RPS6KC1: variants seen among roughly 807,000 people sequenced by gnomAD.
RPS6KC1 encodes ribosomal protein S6 kinase C1, also known as inactive ribosomal protein S6 kinase delta-1.
A neutral mutation model predicts 103.8 loss-of-function variants in RPS6KC1; 54 were observed. That is an observed-to-expected ratio of 0.52 (90% CI 0.42 to 0.65). The LOEUF is 0.65. Among genes scored for constraint, RPS6KC1 ranks in the 30% least tolerant of loss-of-function variants. The probability of loss-of-function intolerance (pLI) is 0.00; values close to 1 mark genes in which losing one functional copy is unlikely to be tolerated. For missense variants in RPS6KC1, 1,151 were observed against 1,253.8 expected (o/e 0.92, Z 1.24); for synonymous variants, 439 against 438.7 (o/e 1.00, Z -0.01).
At chr1:213,257,379 A>T (rs1304162668) in intron 12 of RPS6KC1, among the ~76,000 whole-genome samples, 1 of 152,186 alleles carries the variant, frequency 6.6e-6, no homozygotes, top group East Asian at 1.9e-4. Flanking sequence ...ATGAGCAGAG[A>T]CTTAGAATGG....
chr1:213,757,246 C>G, the RPS6KC1 span, among the ~76,000 whole-genome samples: 1 of 152,082 alleles, frequency 6.6e-6, no homozygotes, highest in African/African-American at 2.4e-5. Context: ...ATGTCAAAAC[C>G]CAAGATAGGC....
At chr1:213,292,051 G>C in the RPS6KC1 span, among the ~76,000 whole-genome samples, 2 of 151,848 alleles carry the variant, frequency 1.3e-5, no homozygotes, top group African/African-American at 4.8e-5. Flanking sequence ...ATTGAACAAT[G>C]AGAACACATA....
the RPS6KC1 span, among the ~76,000 whole-genome samples, chr1:213,326,433 T>C: frequency 4.6e-5 from 7 of 152,228 alleles, no homozygotes; most frequent in African/African-American, 7.2e-5. Flanking sequence ...ATGTATGCAG[T>C]TCTGGTGATT....
the RPS6KC1 span, among the ~76,000 whole-genome samples, chr1:213,792,106 C>G: frequency 6.6e-6 from 1 of 152,188 alleles, no homozygotes; most frequent in South Asian, 2.1e-4. Context: ...GCCCTCCCAC[C>G]CTTTCCTCCT....
the RPS6KC1 span, among the ~76,000 whole-genome samples, chr1:213,512,201 A>T: frequency 1.1e-4 from 16 of 152,362 alleles, 1 homozygote; most frequent in South Asian, 2.5e-3. Flanking sequence ...TCACTTAAAA[A>T]TGTCCCTGTT....
the RPS6KC1 span, among the ~76,000 whole-genome samples, chr1:213,829,558 T>A: frequency 1.3e-5 from 2 of 152,182 alleles, no homozygotes; most frequent in Non-Finnish European, 1.5e-5. Flanking sequence ...TTTTTAACTA[T>A]CAGATTCTAG....
At chr1:213,355,729 T>C in the RPS6KC1 span, among the ~76,000 whole-genome samples, 6 of 152,206 alleles carry the variant, frequency 3.9e-5, no homozygotes, top group Non-Finnish European at 7.3e-5. Context: ...TCTATGTAAC[T>C]CTTGTTTCAA....
At chr1:213,833,050 C>T in the RPS6KC1 span, among the ~76,000 whole-genome samples, 1 of 152,158 alleles carries the variant, frequency 6.6e-6, no homozygotes, top group Non-Finnish European at 1.5e-5. Flanking sequence ...TGTGGGGAAA[C>T]AGCTCTCCAG....
chr1:213,803,762 G>A, the RPS6KC1 span, among the ~76,000 whole-genome samples: 1 of 152,182 alleles, frequency 6.6e-6, no homozygotes, highest in African/African-American at 2.4e-5. Context: ...AAAAATGACA[G>A]TGGGAGCAAA....
chr1:213,335,399 G>A, the RPS6KC1 span, among the ~76,000 whole-genome samples: 7 of 152,186 alleles, frequency 4.6e-5, no homozygotes, highest in African/African-American at 1.4e-4. Context: ...TAGCTGGTCC[G>A]CTATCATCAG....
the RPS6KC1 span, among the ~76,000 whole-genome samples, chr1:213,773,480 G>A: frequency 8.7e-3 from 1,271 of 146,712 alleles, 19 homozygotes; most frequent in African/African-American, 0.029. Flanking sequence ...ATCATATATC[G>A]ATATATAGAT....
the RPS6KC1 span, among the ~76,000 whole-genome samples, chr1:213,639,550 T>C: frequency 6.6e-6 from 1 of 152,002 alleles, no homozygotes; most frequent in Non-Finnish European, 1.5e-5. Flanking sequence ...TGGTAGATGT[T>C]CCTCATCATG....
chr1:213,784,616 G>A, the RPS6KC1 span, among the ~76,000 whole-genome samples: 2 of 152,228 alleles, frequency 1.3e-5, no homozygotes, highest in African/African-American at 4.8e-5. Context: ...CAGCAAGTAT[G>A]TGGCAGAGCT....
At chr1:213,117,221 A>T in intron 4 of RPS6KC1, 96 bp from the exon 5 acceptor site, 31 of 635,230 alleles carry the variant, frequency 4.9e-5, no homozygotes, top group Non-Finnish European at 5.5e-5. Context: ...TCGTTTCTGT[A>T]CATCTTTACA....
the RPS6KC1 span, among the ~76,000 whole-genome samples, chr1:213,340,059 A>C: frequency 6.6e-6 from 1 of 152,006 alleles, no homozygotes; most frequent in Non-Finnish European, 1.5e-5. Flanking sequence ...TGCCTGGCTA[A>C]TTTTTTGTAT....
chr1:213,480,947 A>G, the RPS6KC1 span, among the ~76,000 whole-genome samples: 1 of 152,190 alleles, frequency 6.6e-6, no homozygotes, highest in Non-Finnish European at 1.5e-5. Context: ...AAGGTCTGAT[A>G]TTGAATCAAC....
the RPS6KC1 span, chr1:213,794,725 G>A: frequency 3.9e-5 from 6 of 152,106 alleles, no homozygotes; most frequent in Admixed American, 6.5e-5. Flanking sequence ...CATGGAAGAC[G>A]GAGTATTATT....
At chr1:213,585,627 C>T in the RPS6KC1 span, among the ~76,000 whole-genome samples, 1 of 152,126 alleles carries the variant, frequency 6.6e-6, no homozygotes, top group East Asian at 1.9e-4. Flanking sequence ...TGTATTTTCC[C>T]AGCTCTGCCT....
At chr1:213,381,786 T>G in the RPS6KC1 span, among the ~76,000 whole-genome samples, 1 of 152,228 alleles carries the variant, frequency 6.6e-6, no homozygotes, top group African/African-American at 2.4e-5. Flanking sequence ...TCCATTTGTT[T>G]GCCCTTTCTC....
Sources: allele counts gnomAD v4.1 joint callset (sites outside exome capture counted in the v4.1 genomes callset), GRCh38; gene constraint gnomAD v4.1.1; transcripts MANE v1.5; gene names NCBI Gene and HGNC (gene_info 2026-07-23, HGNC 2026-07-21).